The following KCMF1 variants were observed in gnomAD, a reference collection of about 807,000 sequenced individuals.
The protein encoded by KCMF1 is potassium channel modulatory factor 1, also known as E3 ubiquitin-protein ligase KCMF1.
In KCMF1, 3 loss-of-function variants were observed where a neutral mutation model predicts 41.1. The observed-to-expected ratio is 0.07, with a 90% CI of 0.03 to 0.19. The LOEUF (loss-of-function observed/expected upper bound fraction) is 0.19, where lower values mean the gene tolerates loss of function less well. Ranked by LOEUF, KCMF1 falls within the 10% of genes least tolerant of loss-of-function variation. The pLI is 1.00. For synonymous variants in KCMF1, 142 were observed against 164.5 expected (o/e 0.86, Z 1.04); for missense variants, 286 against 488.9 (o/e 0.58, Z 3.91).
chr2:85,000,981 T>C (rs1191688244), intron 1 of KCMF1, among the ~76,000 whole-genome samples: 1 of 150,750 alleles, frequency 6.6e-6, no homozygotes, highest in East Asian at 1.9e-4. Flanking sequence ...TTGTGGGTTT[T>C]CTTTTTTTTT....
intron 1 of KCMF1, among the ~76,000 whole-genome samples, chr2:84,978,777 G>A (rs1176012034): frequency 2.0e-5 from 3 of 151,888 alleles, no homozygotes; most frequent in African/African-American, 4.8e-5. Flanking sequence ...GTGCAATGGC[G>A]CGATCTCAGC....
chr2:84,974,726 G>C (rs1276097214), intron 1 of KCMF1, among the ~76,000 whole-genome samples: 2 of 22,158 alleles, frequency 9.0e-5, no homozygotes, highest in African/African-American at 2.6e-4. Context: ...TTTTTTTTGA[G>C]ACACAGTCTT....
chr2:85,052,865 T>G (rs1401408753), intron 6 of KCMF1, among the ~76,000 whole-genome samples: 3 of 152,226 alleles, frequency 2.0e-5, no homozygotes, highest in African/African-American at 7.2e-5. Flanking sequence ...TTAGAAAATT[T>G]TCACCTAGCT....
chr2:85,006,727 T>TC (rs2103996584), intron 1 of KCMF1, among the ~76,000 whole-genome samples: 1 of 152,292 alleles, frequency 6.6e-6, no homozygotes, highest in Non-Finnish European at 1.5e-5. Flanking sequence ...GTGAAATGTG[T>TC]CATAACATTT....
intron 1 of KCMF1, among the ~76,000 whole-genome samples, chr2:85,017,861 A>G (rs774442511): frequency 6.6e-6 from 1 of 152,174 alleles, no homozygotes; most frequent in Non-Finnish European, 1.5e-5. Flanking sequence ...TATTTTTTTA[A>G]TAAGAAAGAA....
intron 2 of KCMF1, among the ~76,000 whole-genome samples, chr2:85,030,122 C>T (rs1049508531): frequency 6.6e-6 from 1 of 152,054 alleles, no homozygotes; most frequent in Non-Finnish European, 1.5e-5. Context: ...TTTTCTTGTG[C>T]TTATGGGCCA....
intron 1 of KCMF1, among the ~76,000 whole-genome samples, chr2:84,982,471 G>A (rs1027613161): frequency 3.0e-5 from 4 of 131,724 alleles, no homozygotes; most frequent in Admixed American, 9.1e-5. Context: ...GCGCAATCTC[G>A]GCTCACTGCA....
chr2:85,008,386 T>TATCATATATAATATATA (rs1188983841), intron 1 of KCMF1, among the ~76,000 whole-genome samples: 14 of 136,822 alleles, frequency 1.0e-4, no homozygotes, highest in Middle Eastern at 3.7e-3. Flanking sequence ...ATATATTATA[T>TATCATATATAATATATA]ATGATATATA....
chr2:84,977,504 T>C (rs1298732985), intron 1 of KCMF1, among the ~76,000 whole-genome samples: 1 of 152,180 alleles, frequency 6.6e-6, no homozygotes, highest in Non-Finnish European at 1.5e-5. Flanking sequence ...CGCTGCAGCA[T>C]TGACCTCGCA....
At chr2:85,008,583 A>C (rs1445290180) in intron 1 of KCMF1, among the ~76,000 whole-genome samples, 2 of 151,068 alleles carry the variant, frequency 1.3e-5, no homozygotes, top group African/African-American at 4.9e-5. Flanking sequence ...CATGGGACTA[A>C]ATAGACCATG....
chr2:84,989,505 C>T (rs552785758), intron 1 of KCMF1, among the ~76,000 whole-genome samples: 1 of 152,142 alleles, frequency 6.6e-6, no homozygotes, highest in African/African-American at 2.4e-5. Flanking sequence ...TTTTTGTGCT[C>T]TGAAAGATAG....
intron 3 of KCMF1, among the ~76,000 whole-genome samples, chr2:85,043,193 T>C (rs1468779667): frequency 6.6e-6 from 1 of 152,266 alleles, no homozygotes; most frequent in Non-Finnish European, 1.5e-5. Flanking sequence ...TTTGGAGAAG[T>C]GTGCCATAGG....
intron 1 of KCMF1, among the ~76,000 whole-genome samples, chr2:84,974,500 C>T (rs1019926197): frequency 1.3e-5 from 2 of 151,376 alleles, no homozygotes; most frequent in South Asian, 4.2e-4. Flanking sequence ...GCTCTAGTCC[C>T]GGGTTCAGCA....
intron 5 of KCMF1, among the ~76,000 whole-genome samples, chr2:85,048,179 A>G (rs912131126): frequency 4.6e-5 from 7 of 152,234 alleles, no homozygotes; most frequent in African/African-American, 9.6e-5. Context: ...TAGATATACC[A>G]TATAAAATTT....
At chr2:84,977,107 A>G (rs1443586590) in intron 1 of KCMF1, among the ~76,000 whole-genome samples, 1 of 152,000 alleles carries the variant, frequency 6.6e-6, no homozygotes, top group South Asian at 2.1e-4. Flanking sequence ...TCCATCTCCC[A>G]GGCTCAAGTG....
At chr2:85,036,593 A>C (rs1241719197) in intron 3 of KCMF1, among the ~76,000 whole-genome samples, 2 of 152,050 alleles carry the variant, frequency 1.3e-5, no homozygotes. Context: ...CAGAAGTTTG[A>C]GATTGGCCTG....
chr2:84,994,048 C>T (rs113567738), intron 1 of KCMF1, among the ~76,000 whole-genome samples: 2 of 150,612 alleles, frequency 1.3e-5, no homozygotes, highest in African/African-American at 4.9e-5. Context: ...CCTGGGTTCA[C>T]GCCATTCTCC....
At chr2:85,033,069 A>G (rs1675315127) in intron 2 of KCMF1, among the ~76,000 whole-genome samples, 1 of 152,170 alleles carries the variant, frequency 6.6e-6, no homozygotes, top group African/African-American at 2.4e-5. Context: ...TTATCAGATG[A>G]GGAAGTTCTA....
intron 1 of KCMF1, among the ~76,000 whole-genome samples, chr2:85,013,505 A>G (rs1674695493): frequency 6.6e-6 from 1 of 152,148 alleles, no homozygotes; most frequent in Admixed American, 6.5e-5. Context: ...GAAAGTCAGT[A>G]TAAGAGTGTT....
Sources: allele counts gnomAD v4.1 joint callset (sites outside exome capture counted in the v4.1 genomes callset), GRCh38; gene constraint gnomAD v4.1.1; transcripts MANE v1.5; gene names NCBI Gene and HGNC (gene_info 2026-07-23, HGNC 2026-07-21).